NTRK2: variants seen among roughly 807,000 people sequenced by gnomAD.
NTRK2 encodes the protein neurotrophic receptor tyrosine kinase 2.
Under a neutral mutation model 94.5 loss-of-function variants are expected in NTRK2, and 13 were observed. That is an observed-to-expected ratio of 0.14 (90% CI 0.09 to 0.22). NTRK2 has a LOEUF of 0.22. NTRK2 is among the 10% of genes least tolerant of loss of function. NTRK2 has a pLI of 1.00. For missense variants in NTRK2, 639 were observed against 1,071.2 expected, an observed-to-expected ratio of 0.60 and a Z score of 5.63; for synonymous variants, 372 against 407.4, an observed-to-expected ratio of 0.91 and a Z score of 1.05.
At chr9:84,999,125 A>T (rs1012584079) in intron 17 of NTRK2, among the ~76,000 whole-genome samples, 1 of 152,196 alleles carries the variant, frequency 6.6e-6, no homozygotes, top group Non-Finnish European at 1.5e-5. Context: ...GCATAGGAGG[A>T]TGAGGTTAAA....
chr9:84,823,985 G>A (rs1167340416), intron 12 of NTRK2, among the ~76,000 whole-genome samples: 1 of 152,162 alleles, frequency 6.6e-6, no homozygotes, highest in African/African-American at 2.4e-5. Flanking sequence ...GGACCGGTAT[G>A]GGGAAGCAGG....
Position 84,982,766 on chromosome 9 carries a change from C to T in NTRK2, c.2172+27249C>T, listed in dbSNP as rs533488614. On this transcript the variant is annotated intron_variant, in intron 17 of 18. Transcript: ENST00000277120. Reference sequence around the variant, plus strand: ...CTGTTTGACGTTCACCTGACCGTATCTTTTAAACAGATAAATGTGTATGCT... The same window carrying T: ...CTGTTTGACGTTCACCTGACCGTATTTTTTAAACAGATAAATGTGTATGCT... Among the ~76,000 whole-genome samples, 4 of 152,252 alleles carry T rather than the reference C, an allele frequency of 2.6e-5. No individual in the cohort carries two copies. The South Asian group carries it at 8.3e-4, about 32-fold the overall frequency.
chr9:84,765,870 A>G (rs1198443766), intron 12 of NTRK2, among the ~76,000 whole-genome samples: 1 of 152,180 alleles, frequency 6.6e-6, no homozygotes, highest in Non-Finnish European at 1.5e-5. Flanking sequence ...TGTTGGTTTC[A>G]TCATATTATT....
intron 12 of NTRK2, among the ~76,000 whole-genome samples, 160 bp downstream of exon 12, chr9:84,752,245 GC>G (rs1286179251): frequency 1.3e-5 from 2 of 152,206 alleles, no homozygotes; most frequent in African/African-American, 4.8e-5. Flanking sequence ...TCAAGACGGA[GC>G]AAAATAATGT....
At chr9:84,702,278 G>A in intron 3 of NTRK2, 45 bp downstream of exon 3, 2 of 1,610,716 alleles carry the variant, frequency 1.2e-6, no homozygotes, top group Non-Finnish European at 8.5e-7. Flanking sequence ...GAATTTTCCT[G>A]TTGTCTGCTC....
At chr9:84,838,155 G>A (rs926385112) in intron 12 of NTRK2, among the ~76,000 whole-genome samples, 1 of 152,096 alleles carries the variant, frequency 6.6e-6, no homozygotes, top group Admixed American at 6.6e-5. Context: ...TAGCAATAAT[G>A]TTAGACAATA....
At chr9:84,891,848 T>C (rs1009146924) in intron 14 of NTRK2, among the ~76,000 whole-genome samples, 24 of 152,330 alleles carry the variant, frequency 1.6e-4, no homozygotes, top group African/African-American at 5.5e-4. Context: ...TCCAGGGATG[T>C]AACTTAATTT....
intron 14 of NTRK2, among the ~76,000 whole-genome samples, chr9:84,878,996 C>A (rs2132186476): frequency 6.6e-6 from 1 of 152,298 alleles, no homozygotes; most frequent in East Asian, 1.9e-4. Flanking sequence ...GTTCAGCCAG[C>A]CTCAGCATCT....
At chr9:84,733,666 T>C (rs1038996506) in intron 9 of NTRK2, among the ~76,000 whole-genome samples, 1 of 152,190 alleles carries the variant, frequency 6.6e-6, no homozygotes, top group African/African-American at 2.4e-5. Context: ...CCCCTGTTCC[T>C]CTTTGAGGTT....
chr9:84,829,350 A>G (rs2073389197), intron 12 of NTRK2, among the ~76,000 whole-genome samples: 1 of 152,146 alleles, frequency 6.6e-6, no homozygotes, highest in Non-Finnish European at 1.5e-5. Context: ...TCTTCAGGTC[A>G]TATGAATTTT....
intron 14 of NTRK2, chr9:84,875,836 A>G (rs1386878610): frequency 9.6e-7 from 1 of 1,043,402 alleles, no homozygotes; most frequent in Non-Finnish European, 1.2e-6. Flanking sequence ...GCCTCTATCA[A>G]TAGTATGACA....
At chr9:84,875,039 A>T (rs2076012585) in intron 14 of NTRK2, 2 of 1,059,438 alleles carry the variant, frequency 1.9e-6, no homozygotes, top group Non-Finnish European at 2.3e-6. Context: ...AACAAAGATG[A>T]AACGAAAAGT....
intron 7 of NTRK2, 31 bp from the exon 8 acceptor site, chr9:84,724,193 A>G (rs201819534): frequency 6.2e-7 from 1 of 1,613,840 alleles, no homozygotes. Context: ...ATCCTAATCA[A>G]GGTTATTTTT....
At chr9:84,685,649 C>T (rs1209261987) in intron 2 of NTRK2, among the ~76,000 whole-genome samples, 1 of 152,180 alleles carries the variant, frequency 6.6e-6, no homozygotes, top group Admixed American at 6.5e-5. Flanking sequence ...GATACAGCCA[C>T]TCTGAGTTTT....
intron 12 of NTRK2, among the ~76,000 whole-genome samples, chr9:84,782,355 G>C (rs1462187776): frequency 1.3e-5 from 2 of 152,326 alleles, no homozygotes; most frequent in African/African-American, 4.8e-5. Context: ...AAAAGCAAAA[G>C]TGAAGTATGA....
intron 2 of NTRK2, among the ~76,000 whole-genome samples, chr9:84,701,341 C>A (rs10116769): frequency 0.028 from 4,263 of 152,290 alleles, 207 homozygotes; most frequent in African/African-American, 0.097. Context: ...AAGCCCCAGG[C>A]CTGTGCCATC....
Position 84,670,754 on chromosome 9 carries a change from G to T in NTRK2, c.6G>T (p.Ser2=), listed in dbSNP as rs199851011. M[S]SWIRWHGPAM... ...GCTGGCACTGGCTGCTAGGGATGTC[G>T]TCCTGGATAAGGTGGCATGGACCCG... The change falls in exon 2 of 19, where the codon TCG becomes TCT. Residue 2 remains serine, a synonymous_variant. Coordinates refer to ENST00000277120, the MANE Select transcript of NTRK2 (RefSeq NM_006180.6). 6.8e-6 allele frequency: 11 copies of T among 1,612,888 alleles called. No homozygotes were observed. Among genetic ancestry groups the T allele is most frequent in the Admixed American group, 1.7e-5 (1 of 60,026 alleles).
intron 16 of NTRK2, among the ~76,000 whole-genome samples, chr9:84,951,970 G>A (rs989283995): frequency 1.3e-5 from 2 of 152,072 alleles, no homozygotes; most frequent in Non-Finnish European, 2.9e-5. Context: ...TGGGAAATGA[G>A]GAATAAAACA....
At chr9:84,914,112 G>A (rs1158191471) in intron 14 of NTRK2, among the ~76,000 whole-genome samples, 2 of 151,998 alleles carry the variant, frequency 1.3e-5, no homozygotes, top group African/African-American at 2.4e-5. Context: ...TTTGCTTATT[G>A]TATTTTCCAA....
Sources: gnomAD v4.1 joint callset for allele counts (sites outside exome capture counted in the v4.1 genomes callset) on GRCh38, gnomAD v4.1.1 for gene constraint, MANE v1.5 for transcripts, NCBI Gene and HGNC (gene_info 2026-07-23, HGNC 2026-07-21) for gene names.